The following RNF213 variants were observed in gnomAD, a reference collection of about 807,000 sequenced individuals.
RNF213 encodes the protein E3 ubiquitin-protein ligase RNF213.
In RNF213, 341 loss-of-function variants were observed where a neutral mutation model predicts 514.4. The ratio of observed to expected loss-of-function variants is 0.66; its 90% CI spans 0.61 to 0.73. The LOEUF (loss-of-function observed/expected upper bound fraction) is 0.73, where lower values mean the gene tolerates loss of function less well. Among genes scored for constraint, RNF213 ranks in the 30% least tolerant of loss-of-function variants. The pLI, the probability that RNF213 is intolerant of heterozygous loss-of-function variation, is 0.00. For missense variants in RNF213, 5,767 were observed against 6,615.6 expected, an observed-to-expected ratio of 0.87 and a Z score of 4.45; for synonymous variants, 2,655 against 2,658.2, an observed-to-expected ratio of 1.00 and a Z score of 0.04.
chr17:80,269,123 C>T (rs921064753), intron 2 of RNF213, among the ~76,000 whole-genome samples: 3 of 152,150 alleles, frequency 2.0e-5, no homozygotes, highest in African/African-American at 7.2e-5. Context: ...CCAGCTTACC[C>T]CACCTTCTGC....
At chr17:80,392,636 C>A (rs991365698) in intron 67 of RNF213, among the ~76,000 whole-genome samples, 3 of 151,810 alleles carry the variant, frequency 2.0e-5, no homozygotes, top group African/African-American at 7.3e-5. Context: ...GTCGCCCAGG[C>A]TGGAGTGCAG....
intron 13 of RNF213, 129 bp downstream of exon 13, chr17:80,307,330 C>T: frequency 1.5e-6 from 1 of 683,878 alleles, no homozygotes; most frequent in South Asian, 1.5e-5. Flanking sequence ...ATGTGGCCCA[C>T]TTCTCTTCTC....
At chr17:80,375,119 C>T (rs2144542984) in intron 50 of RNF213, 1 of 174,904 alleles carries the variant, frequency 5.7e-6, no homozygotes, top group East Asian at 1.4e-4. Context: ...AATGGAAAAT[C>T]CTCTTTCTGC....
Position 80,288,613 on chromosome 17 carries a change from T to A in RNF213, c.811-20T>A. On this transcript the variant is annotated intron_variant, in intron 4 of 67. Coordinates refer to ENST00000582970, the MANE Select transcript of RNF213 (RefSeq NM_001256071.3). The surrounding 1 kb of genome is among the most constrained non-coding windows in gnomAD (Gnocchi z 4.9). The stretch of plus-strand genomic sequence containing the variant: ...CTGGCCCATTTTGTCACCTTGGCTC[T>A]GGTGTTTGGGGTCTTTCAGGCAGTT... 4.3e-6 allele frequency: 7 copies of A among 1,614,142 alleles called. No homozygotes were observed. Among genetic ancestry groups the A allele is most frequent in the Non-Finnish European group, 5.9e-6 (7 of 1,180,026 alleles).
rs1008498795 is a variant in RNF213, at chr17:80,393,737, A to T, written c.*239A>T. ...TCTCATCATTTTATGAGTACTGTTC[A>T]TTGAGAGATGACAATGAAGATTAGA... On this transcript the variant is annotated 3_prime_UTR_variant, in exon 68 of 68. Coordinates refer to ENST00000582970, the MANE Select transcript of RNF213 (RefSeq NM_001256071.3). 4.6e-5 allele frequency: 23 copies of T among 501,494 alleles called. No individual in the cohort carries two copies. The highest frequency in any genetic ancestry group is 4.5e-4 in the African/African-American group (23 of 51,422). 31.1% of individuals were successfully genotyped at this position (501,494 alleles called of 1,614,324 possible). A position where few individuals can be genotyped will look rare whatever the true frequency, so the allele number is the denominator to read the frequency against.
At chr17:80,386,496 G>T in intron 62 of RNF213, 66 bp downstream of exon 62, 3 of 1,563,826 alleles carry the variant, frequency 1.9e-6, no homozygotes, top group South Asian at 1.1e-5. Context: ...CAGTGGGGCA[G>T]ACACAAGCAA....
chr17:80,368,467 C>T (rs1364961621), intron 44 of RNF213, among the ~76,000 whole-genome samples: 1 of 145,188 alleles, frequency 6.9e-6, no homozygotes, highest in Non-Finnish European at 1.5e-5. Flanking sequence ...GTGTTTCACT[C>T]TGTTGCCCAG....
intron 42 of RNF213, among the ~76,000 whole-genome samples, chr17:80,365,572 C>T (rs1014916973): frequency 9.2e-5 from 14 of 151,968 alleles, no homozygotes; most frequent in African/African-American, 3.4e-4. Flanking sequence ...GCACACGCCA[C>T]ACCAGCTCGT....
At chr17:80,367,913 C>G (rs973712265) in intron 43 of RNF213, 48 bp from the exon 44 acceptor site, 2 of 1,613,758 alleles carry the variant, frequency 1.2e-6, no homozygotes, top group Non-Finnish European at 1.7e-6. Flanking sequence ...TTCACTTCTT[C>G]TGGCCAGTTT....
chr17:80,365,833 G>A (rs2079246722), intron 42 of RNF213, among the ~76,000 whole-genome samples: 1 of 152,218 alleles, frequency 6.6e-6, no homozygotes, highest in Admixed American at 6.5e-5. Flanking sequence ...GCCAGGTCCA[G>A]CGTGGGTCAT....
chr17:80,278,640 G>A, intron 3 of RNF213: 1 of 1,219,344 alleles, frequency 8.2e-7, no homozygotes, highest in South Asian at 1.4e-5. Context: ...GCCCACATGT[G>A]GGTGTCCCTG....
In RNF213 at chr17:80,325,534, G is replaced by A. The variant is rs149509354; in HGVS notation, c.3193+336G>A. Among the ~76,000 whole-genome samples the A allele has an allele frequency of 4.3e-3, 654 of 152,150 alleles. 4 individuals are homozygous for A. Among genetic ancestry groups the A allele is most frequent in the Middle Eastern group, 0.017 (5 of 294 alleles). On this transcript the variant is annotated intron_variant, in intron 18 of 67. Transcript: ENST00000582970. ...AGGAAACAAATGGAGAAGGCAATGC[G>A]ACTTACCTAAGGTCTCAAAGATTAT...
chr17:80,304,484 C>G (rs1414115377), intron 11 of RNF213, among the ~76,000 whole-genome samples: 1 of 151,788 alleles, frequency 6.6e-6, no homozygotes, highest in Non-Finnish European at 1.5e-5. Context: ...ACTAAAAATA[C>G]AAAAAATGAG....
chr17:80,315,291 G>A lies in RNF213; in HGVS notation c.2812-1897G>A, dbSNP rs868080504. On this transcript the variant is annotated intron_variant, in intron 15 of 67. Transcript: ENST00000582970. Reference sequence around the variant, plus strand: ...GGTAATGGAGGTGATGGTGGTGGTGGTGGTGGAGGTAATGGAGGTGATGGT... The same window carrying A: ...GGTAATGGAGGTGATGGTGGTGGTGATGGTGGAGGTAATGGAGGTGATGGT... Among the ~76,000 whole-genome samples, 15 of 52,524 alleles carry A rather than the reference G, an allele frequency of 2.9e-4. 1 individual carries two copies. The highest frequency in any genetic ancestry group is 1.5e-3 in the African/African-American group (10 of 6,636). 34.5% of individuals were successfully genotyped at this position (52,524 alleles called of 152,430 possible). A position where few individuals can be genotyped will look rare whatever the true frequency, so the allele number is the denominator to read the frequency against.
In RNF213 at chr17:80,307,207, T is replaced by C. The variant is rs1366857840; in HGVS notation, c.2501+6T>C. ...CTGGACACTTACCGGGACAAGTAAGTGGAAAGCACGATGCAGTCTCTCCCT... is the reference window on the plus strand; with the variant it reads ...CTGGACACTTACCGGGACAAGTAAGCGGAAAGCACGATGCAGTCTCTCCCT... On this transcript the variant is annotated splice_donor_region_variant and intron_variant, in intron 13 of 67. Transcript: ENST00000582970. 6.2e-7 allele frequency: 1 copy of C among 1,613,690 alleles called. No homozygotes were observed.
chr17:80,335,650 C>T (rs1020306906), intron 22 of RNF213, among the ~76,000 whole-genome samples: 2 of 152,134 alleles, frequency 1.3e-5, no homozygotes, highest in African/African-American at 4.8e-5. Flanking sequence ...TGAAATTGCT[C>T]AGGAACGGCA....
chr17:80,288,804 C>T lies in RNF213; in HGVS notation c.933+49C>T, dbSNP rs375554114. 1.3e-5 allele frequency: 21 copies of T among 1,613,308 alleles called. No homozygotes were observed. The highest frequency in any genetic ancestry group is 9.3e-5 in the African/African-American group (7 of 75,022). ...GCTCCAGGAGGCCCTCTCCTGCCCA[C>T]GGCTGCGCCTCTTTCATTTAATTAT... On this transcript the variant is annotated intron_variant, in intron 5 of 67. Coordinates refer to ENST00000582970, the MANE Select transcript of RNF213 (RefSeq NM_001256071.3). The surrounding 1 kb of genome is among the most constrained non-coding windows in gnomAD (Gnocchi z 4.9).
intron 39 of RNF213, among the ~76,000 whole-genome samples, chr17:80,362,540 G>A (rs1184324257): frequency 6.6e-6 from 1 of 152,246 alleles, no homozygotes; most frequent in African/African-American, 2.4e-5. Context: ...TTGCAAAGCT[G>A]ATTTTTAAAA....
Position 80,328,434 on chromosome 17 carries a change from T to A in RNF213, c.3474T>A (p.Asp1158Glu). Reference protein sequence around the residue: ...LLLKKEKRCVDSLLKMCGNVK... With the variant: ...LLLKKEKRCVESLLKMCGNVK... Reference sequence around the variant, plus strand: ...TAAAGAAAGAGAAAAGATGTGTTGATAGTCTCCTGAAGATGTGTGGGAACG... The same window carrying A: ...TAAAGAAAGAGAAAAGATGTGTTGAAAGTCTCCTGAAGATGTGTGGGAACG... Residue 1158 changes from aspartate (D) to glutamate (E), a missense_variant, in exon 20 of 68, where the codon GAT becomes GAA. By Grantham distance (45) the Asp-to-Glu change is conservative. Coordinates refer to ENST00000582970, the MANE Select transcript of RNF213 (RefSeq NM_001256071.3). 1 of 1,537,218 alleles carries A rather than the reference T, an allele frequency of 6.5e-7. No homozygotes were observed.
Sources: gnomAD v4.1 joint callset for allele counts (sites outside exome capture counted in the v4.1 genomes callset) on GRCh38, gnomAD v4.1.1 for gene constraint, Gnocchi (gnomAD v3.1) non-coding constraint, MANE v1.5 for transcripts, NCBI Gene and HGNC (gene_info 2026-07-23, HGNC 2026-07-21) for gene names.